DCAF1: variants seen among roughly 807,000 people sequenced by gnomAD.
DCAF1 encodes the protein DDB1- and CUL4-associated factor 1.
A neutral mutation model predicts 128.0 loss-of-function variants in DCAF1; 15 were observed. The observed-to-expected ratio is 0.12, with a 90% CI of 0.08 to 0.18. The LOEUF (loss-of-function observed/expected upper bound fraction) is 0.18, where lower values mean the gene tolerates loss of function less well. DCAF1 is among the 10% of genes least tolerant of loss of function. The probability of loss-of-function intolerance (pLI) is 1.00; values close to 1 mark genes in which losing one functional copy is unlikely to be tolerated. For synonymous variants in DCAF1, 610 were observed against 603.0 expected, an observed-to-expected ratio of 1.01 and a Z score of -0.17; for missense variants, 988 against 1,649.5, an observed-to-expected ratio of 0.60 and a Z score of 6.95.
chr3:51,470,434 G>A (rs1054493301), intron 4 of DCAF1, among the ~76,000 whole-genome samples: 3 of 152,046 alleles, frequency 2.0e-5, no homozygotes, highest in African/African-American at 7.2e-5. Flanking sequence ...AGGCATGATA[G>A]CACACGCCTG....
chr3:51,419,658 T>C (rs1321654886), intron 15 of DCAF1, 76 bp downstream of exon 15: 1 of 1,522,262 alleles, frequency 6.6e-7, no homozygotes, highest in Non-Finnish European at 8.8e-7. Context: ...AGGACAACTA[T>C]GCTGATACTG....
intron 6 of DCAF1, among the ~76,000 whole-genome samples, chr3:51,460,359 T>A (rs1307095632): frequency 6.6e-6 from 1 of 152,134 alleles, no homozygotes; most frequent in African/African-American, 2.4e-5. Context: ...ACAAGGGATG[T>A]GAAGGACCTC....
chr3:51,412,857 GAATAGGTTATC>G (rs1698554819), intron 22 of DCAF1, 125 bp downstream of exon 22: 2 of 1,346,296 alleles, frequency 1.5e-6, no homozygotes, highest in Non-Finnish European at 2.0e-6. Flanking sequence ...CCCATCAAAT[GAATAGGTTATC>G]AATAATCTAC....
chr3:51,416,687 A>G (rs1337403395), intron 18 of DCAF1, 100 bp downstream of exon 18: 2 of 1,490,442 alleles, frequency 1.3e-6, no homozygotes, highest in Non-Finnish European at 1.8e-6. Flanking sequence ...ACTGATTTCT[A>G]GTTGCCCAAA....
Position 51,398,694 on chromosome 3 carries a change from G to C in DCAF1, c.*75C>G. On this transcript the variant is annotated 3_prime_UTR_variant, in exon 25 of 25. Coordinates refer to ENST00000684031, the MANE Select transcript of DCAF1 (RefSeq NM_001387579.1). ...AAGACAGACAGCCCTGGGAGAAAGAGAAGGGAATATGTTCTGAATTCATTT... is the reference window on the plus strand; with the variant it reads ...AAGACAGACAGCCCTGGGAGAAAGACAAGGGAATATGTTCTGAATTCATTT... 6.5e-7 allele frequency: 1 copy of C among 1,531,944 alleles called. No individual in the cohort carries two copies. The highest frequency in any genetic ancestry group is 1.2e-5 in the South Asian group (1 of 83,710). The allele number at this position is 1,531,944 out of a possible 1,614,324, so 94.9% of individuals were successfully genotyped here.
At chr3:51,414,507 C>T (rs1553629611) in intron 19 of DCAF1, 117 bp downstream of exon 19, 1 of 1,396,928 alleles carries the variant, frequency 7.2e-7, no homozygotes. Context: ...AGGACAGGCA[C>T]CATATTATTA....
chr3:51,429,066 T>G (rs1416267423), intron 12 of DCAF1, among the ~76,000 whole-genome samples, 195 bp downstream of exon 12: 1 of 152,182 alleles, frequency 6.6e-6, no homozygotes, highest in African/African-American at 2.4e-5. Flanking sequence ...TCCCAGCAAC[T>G]TACAACTGGA....
chr3:51,402,898 T>A (rs1553625368), intron 24 of DCAF1, among the ~76,000 whole-genome samples: 1 of 152,168 alleles, frequency 6.6e-6, no homozygotes, highest in East Asian at 1.9e-4. Flanking sequence ...TGTCTGATCT[T>A]ACAGAAAAAG....
intron 3 of DCAF1, among the ~76,000 whole-genome samples, chr3:51,471,390 A>C (rs1166592007): frequency 6.6e-6 from 1 of 151,538 alleles, no homozygotes; most frequent in Non-Finnish European, 1.5e-5. Flanking sequence ...TCACCATGCT[A>C]GCCAGGATGG....
chr3:51,492,172 G>A (rs1707735144), intron 2 of DCAF1, among the ~76,000 whole-genome samples: 2 of 150,632 alleles, frequency 1.3e-5, no homozygotes, highest in Non-Finnish European at 3.0e-5. Context: ...AAAAAAAAAA[G>A]TAGTGAGACA....
intron 9 of DCAF1, among the ~76,000 whole-genome samples, chr3:51,440,434 C>T (rs1701260114): frequency 6.6e-6 from 1 of 152,122 alleles, no homozygotes; most frequent in East Asian, 1.9e-4. Flanking sequence ...CATAGCAAGA[C>T]TATCTCTATA....
At chr3:51,500,993 T>A (rs1266043688), upstream of DCAF1, among the ~76,000 whole-genome samples, 1 of 152,082 alleles carries the variant, frequency 6.6e-6, no homozygotes, top group Non-Finnish European at 1.5e-5. Flanking sequence ...TTTTTAAAAA[T>A]TTTTGTAGAG....
intron 4 of DCAF1, among the ~76,000 whole-genome samples, 152 bp downstream of exon 4, chr3:51,470,777 T>C (rs1170369562): frequency 1.3e-5 from 2 of 151,862 alleles, no homozygotes; most frequent in African/African-American, 4.8e-5. Flanking sequence ...AAATAAAAGG[T>C]CTTAAAACTT....
At position 51,424,826 on chromosome 3, in the gene DCAF1, G is replaced by A. The variant is rs148213597; in HGVS notation, c.1848-2395C>T. Among the ~76,000 whole-genome samples the A allele has an allele frequency of 5.9e-3, 897 of 152,268 alleles. 12 individuals are homozygous for A. The highest frequency in any genetic ancestry group is 0.019 in the African/African-American group (788 of 41,558). ...ATTTATGAACACACAGATATATATA[G>A]TATAAAAACATGAGTGGGGAGAATA... On this transcript the variant is annotated intron_variant, in intron 13 of 24. Transcript: ENST00000684031.
intron 6 of DCAF1, among the ~76,000 whole-genome samples, chr3:51,457,391 C>A (rs902689617): frequency 3.3e-5 from 5 of 152,260 alleles, no homozygotes; most frequent in African/African-American, 1.2e-4. Flanking sequence ...CGAACAAAGC[C>A]TCCAAGAAAT....
intron 6 of DCAF1, among the ~76,000 whole-genome samples, chr3:51,448,874 A>G (rs758351775): frequency 2.6e-5 from 4 of 152,158 alleles, no homozygotes; most frequent in Non-Finnish European, 4.4e-5. Flanking sequence ...TAGATTACAC[A>G]GTCTTCTCAA....
chr3:51,433,378 C>A (rs1398859768), intron 9 of DCAF1, 114 bp from the exon 10 acceptor site: 1 of 396,274 alleles, frequency 2.5e-6, no homozygotes, highest in Non-Finnish European at 4.4e-6. Flanking sequence ...AGACAACCAA[C>A]CCCTCACAAA....
intron 1 of DCAF1, among the ~76,000 whole-genome samples, chr3:51,497,278 C>G (rs1471683736): frequency 6.7e-6 from 1 of 148,742 alleles, no homozygotes; most frequent in African/African-American, 2.5e-5. Flanking sequence ...CTAGGTGACA[C>G]AGGAAGACTG....
chr3:51,489,833 A>G (rs111792156), intron 2 of DCAF1, among the ~76,000 whole-genome samples: 2,352 of 30,338 alleles, frequency 0.078, 16 homozygotes, highest in African/African-American at 0.19. Context: ...GTGTGTGTGT[A>G]TATAGATAGA....
Sources: allele counts gnomAD v4.1 joint callset (sites outside exome capture counted in the v4.1 genomes callset), GRCh38; gene constraint gnomAD v4.1.1; transcripts MANE v1.5; gene names NCBI Gene and HGNC (gene_info 2026-07-23, HGNC 2026-07-21).